The following KCNN2 variants were observed in gnomAD, a reference collection of about 807,000 sequenced individuals.
The protein encoded by KCNN2 is potassium calcium-activated channel subfamily N member 2.
A neutral mutation model predicts 55.5 loss-of-function variants in KCNN2; 24 were observed. That is an observed-to-expected ratio of 0.43 (90% CI 0.31 to 0.61). The LOEUF (loss-of-function observed/expected upper bound fraction) is 0.61, where lower values mean the gene tolerates loss of function less well. KCNN2 is among the 20% of genes least tolerant of loss of function. KCNN2 has a pLI of 0.08. For missense variants in KCNN2, 754 were observed against 853.6 expected (o/e 0.88, Z 1.45); for synonymous variants, 431 against 336.1 (o/e 1.28, Z -3.09).
intron 3 of KCNN2, among the ~76,000 whole-genome samples, chr5:114,456,839 GA>G (rs1406427018): frequency 6.6e-6 from 1 of 152,138 alleles, no homozygotes; most frequent in Non-Finnish European, 1.5e-5. Context: ...AGTAGAGCCT[GA>G]ATAAGTGATT....
intron 2 of KCNN2, among the ~76,000 whole-genome samples, chr5:114,240,047 C>T (rs1475158133): frequency 6.6e-6 from 1 of 152,030 alleles, no homozygotes; most frequent in Non-Finnish European, 1.5e-5. Context: ...ATAAGTTTAA[C>T]ATGAAAACTG....
intron 1 of KCNN2, among the ~76,000 whole-genome samples, chr5:114,183,937 A>G (rs1156487666): frequency 1.3e-5 from 2 of 152,130 alleles, no homozygotes; most frequent in Non-Finnish European, 2.9e-5. Flanking sequence ...GTGGAAAATC[A>G]GGACATTGAG....
At chr5:114,241,692 G>A (rs1414523446) in intron 2 of KCNN2, among the ~76,000 whole-genome samples, 1 of 113,368 alleles carries the variant, frequency 8.8e-6, no homozygotes, top group African/African-American at 3.0e-5. Flanking sequence ...AAATTTACGA[G>A]AATATATATG....
intron 1 of KCNN2, among the ~76,000 whole-genome samples, chr5:114,168,652 A>G (rs1752968214): frequency 6.6e-6 from 1 of 152,028 alleles, no homozygotes; most frequent in African/African-American, 2.4e-5. Flanking sequence ...CTCCGTTCTC[A>G]GTGTCAGTGG....
chr5:114,268,072 C>T lies in KCNN2; in HGVS notation c.-185+46507C>T, dbSNP rs543967491. Reference sequence around the variant, plus strand: ...TTCCCACTTGATGCTTCCTAAATCGCGTCATTTGCTGCCCAAATTGCACAC... The same window carrying T: ...TTCCCACTTGATGCTTCCTAAATCGTGTCATTTGCTGCCCAAATTGCACAC... On this transcript the variant is annotated intron_variant, in intron 2 of 10. Coordinates refer to the KCNN2 transcript ENST00000512097. Among the ~76,000 whole-genome samples the T allele has an allele frequency of 1.4e-4, 22 of 152,312 alleles. No homozygotes were observed. In the South Asian group the frequency reaches 3.5e-3, roughly 24 times the overall value.
chr5:114,249,771 A>G (rs1042967968), intron 2 of KCNN2, among the ~76,000 whole-genome samples: 1 of 150,966 alleles, frequency 6.6e-6, no homozygotes, highest in African/African-American at 2.4e-5. Context: ...AAGAATGGGC[A>G]GCATTTTATT....
In KCNN2 at chr5:114,259,660, G is replaced by A. The variant is rs991470638; in HGVS notation, c.-185+38095G>A. Among the ~76,000 whole-genome samples, 3 of 152,126 alleles carry A rather than the reference G, an allele frequency of 2.0e-5. No individual in the cohort carries two copies. In the South Asian group the frequency reaches 6.2e-4, roughly 32 times the overall value. ...AGTCCTCAAATCACAGCTTACACCA[G>A]TGTTTGGGTTCTGACAGTTCAGATA... On this transcript the variant is annotated intron_variant, in intron 2 of 10. Transcript: ENST00000512097.
intron 3 of KCNN2, among the ~76,000 whole-genome samples, chr5:114,458,377 C>G (rs993265614): frequency 6.6e-5 from 10 of 152,172 alleles, no homozygotes; most frequent in Admixed American, 1.3e-4. Flanking sequence ...AAGTTGCACA[C>G]AGATCTTGGA....
At chr5:114,090,620 G>T (rs1350485371) in intron 1 of KCNN2, among the ~76,000 whole-genome samples, 4 of 150,924 alleles carry the variant, frequency 2.7e-5, no homozygotes, top group Non-Finnish European at 4.4e-5. Flanking sequence ...GTGTATATGT[G>T]TATACATCAT....
At chr5:114,489,593 G>C (rs1412452978) in intron 6 of KCNN2, among the ~76,000 whole-genome samples, 1 of 152,152 alleles carries the variant, frequency 6.6e-6, no homozygotes, top group East Asian at 1.9e-4. Context: ...AGGGGTTACC[G>C]GGTTTCCATT....
chr5:114,208,239 C>CGTAATTTCAGTTCAATT (rs1488166879), intron 1 of KCNN2, among the ~76,000 whole-genome samples: 1 of 152,146 alleles, frequency 6.6e-6, no homozygotes, highest in East Asian at 1.9e-4. Context: ...TGAAATTGAA[C>CGTAATTTCAGTTCAATT]GGAGTGTAAT....
chr5:114,131,247 G>A (rs150543671), intron 1 of KCNN2, among the ~76,000 whole-genome samples: 2 of 152,238 alleles, frequency 1.3e-5, no homozygotes, highest in East Asian at 1.9e-4. Flanking sequence ...ATTAAGCCCT[G>A]CAAGCATTAG....
intron 1 of KCNN2, among the ~76,000 whole-genome samples, chr5:114,069,235 C>T (rs769588285): frequency 1.1e-4 from 17 of 152,144 alleles, no homozygotes; most frequent in South Asian, 2.1e-4. Flanking sequence ...AAGCGTTTGC[C>T]AGCTCACTTA....
chr5:114,377,507 G>A (rs190062214), intron 2 of KCNN2, among the ~76,000 whole-genome samples: 1 of 152,330 alleles, frequency 6.6e-6, no homozygotes. Flanking sequence ...CTTGAATGAA[G>A]GTGATAGATG....
chr5:114,432,655 T>A (rs1759835037), intron 3 of KCNN2, among the ~76,000 whole-genome samples: 1 of 152,096 alleles, frequency 6.6e-6, no homozygotes, highest in African/African-American at 2.4e-5. Flanking sequence ...CAGAGCCGGC[T>A]CCCTCAGCTT....
intron 3 of KCNN2, among the ~76,000 whole-genome samples, chr5:114,455,727 C>G (rs866087422): frequency 3.3e-5 from 5 of 152,202 alleles, no homozygotes; most frequent in African/African-American, 1.2e-4. Flanking sequence ...AAGTGCTACT[C>G]CAGTGAACAC....
At chr5:114,167,081 A>T (rs997539449) in intron 1 of KCNN2, among the ~76,000 whole-genome samples, 1 of 152,150 alleles carries the variant, frequency 6.6e-6, no homozygotes, top group Non-Finnish European at 1.5e-5. Flanking sequence ...AAGATATTTC[A>T]TTCAATTGCC....
intron 1 of KCNN2, among the ~76,000 whole-genome samples, chr5:114,064,433 C>G (rs1750397120): frequency 6.6e-6 from 1 of 152,152 alleles, no homozygotes; most frequent in Non-Finnish European, 1.5e-5. Context: ...ATTCAAAGTC[C>G]ACAGTGCTGT....
intron 1 of KCNN2, among the ~76,000 whole-genome samples, chr5:114,187,985 T>C (rs1753374138): frequency 6.6e-6 from 1 of 151,988 alleles, no homozygotes; most frequent in Admixed American, 6.6e-5. Context: ...CAGCTAATTT[T>C]GTATTTTTAG....
Sources: allele counts gnomAD v4.1 joint callset (sites outside exome capture counted in the v4.1 genomes callset), GRCh38; gene constraint gnomAD v4.1.1; transcripts MANE v1.5; gene names NCBI Gene and HGNC (gene_info 2026-07-23, HGNC 2026-07-21).